Variants in ST18 observed in about 807,000 individuals in gnomAD.
The protein encoded by ST18 is ST18 C2H2C-type zinc finger transcription factor, also known as suppression of tumorigenicity 18 protein.
ST18 carries 50 observed loss-of-function variants against 110.0 expected under a neutral mutation model. That is an observed-to-expected ratio of 0.45 (90% CI 0.36 to 0.58). ST18 has a LOEUF of 0.58. Among genes scored for constraint, ST18 ranks in the 20% least tolerant of loss-of-function variants. The probability of loss-of-function intolerance (pLI) is 0.00; values close to 1 mark genes in which losing one functional copy is unlikely to be tolerated. For missense variants in ST18, 1,306 were observed against 1,280.1 expected, an observed-to-expected ratio of 1.02 and a Z score of -0.31; for synonymous variants, 461 against 452.4, an observed-to-expected ratio of 1.02 and a Z score of -0.24.
intron 2 of ST18, among the ~76,000 whole-genome samples, chr8:52,276,023 C>A (rs894118654): frequency 2.6e-4 from 39 of 149,696 alleles, no homozygotes; most frequent in African/African-American, 7.1e-4. Flanking sequence ...CACATACCCC[C>A]CACACACACA....
intron 2 of ST18, among the ~76,000 whole-genome samples, chr8:52,291,944 T>C (rs2095562725): frequency 6.6e-6 from 1 of 152,016 alleles, no homozygotes; most frequent in Non-Finnish European, 1.5e-5. Flanking sequence ...CCCGGCTAAT[T>C]TTTATATTTT....
At chr8:52,175,991 T>TATATGAAG (rs2066759506) in intron 9 of ST18, among the ~76,000 whole-genome samples, 1 of 152,152 alleles carries the variant, frequency 6.6e-6, no homozygotes, top group Admixed American at 6.5e-5. Context: ...AGAGTGAATT[T>TATATGAAG]ATATGAAGTT....
chr8:52,186,752 C>G (rs536555629), intron 8 of ST18, among the ~76,000 whole-genome samples: 1 of 152,164 alleles, frequency 6.6e-6, no homozygotes, highest in Admixed American at 6.5e-5. Context: ...ACAAATAACA[C>G]GGATGAATCC....
At chr8:52,272,660 G>T (rs995205455) in intron 2 of ST18, among the ~76,000 whole-genome samples, 15 of 152,154 alleles carry the variant, frequency 9.9e-5, no homozygotes, top group Non-Finnish European at 1.9e-4. Flanking sequence ...AAATCAGTGT[G>T]GTGGTTCCTC....
intron 5 of ST18, among the ~76,000 whole-genome samples, chr8:52,219,209 T>C (rs539753299): frequency 6.6e-6 from 1 of 152,228 alleles, no homozygotes; most frequent in East Asian, 1.9e-4. Flanking sequence ...GGAAAAATCA[T>C]GGGAAAAATG....
intron 2 of ST18, among the ~76,000 whole-genome samples, chr8:52,335,321 C>A (rs559453982): frequency 6.6e-6 from 1 of 151,382 alleles, no homozygotes; most frequent in Non-Finnish European, 1.5e-5. Context: ...CTTGACATCT[C>A]CCTCCCTCTC....
At chr8:52,367,236 T>TCTCACA (rs1554851169) in intron 2 of ST18, among the ~76,000 whole-genome samples, 5 of 120,272 alleles carry the variant, frequency 4.2e-5, no homozygotes, top group African/African-American at 1.5e-4. Flanking sequence ...GGACCCTGTC[T>TCTCACA]CACACACACA....
intron 2 of ST18, among the ~76,000 whole-genome samples, chr8:52,377,795 G>A (rs933238388): frequency 6.6e-5 from 10 of 152,164 alleles, no homozygotes; most frequent in Non-Finnish European, 1.5e-4. Flanking sequence ...AGTGATATCT[G>A]TACTCCCATG....
At chr8:52,324,790 T>C (rs975783665) in intron 2 of ST18, among the ~76,000 whole-genome samples, 1 of 152,238 alleles carries the variant, frequency 6.6e-6, no homozygotes, top group Admixed American at 6.5e-5. Flanking sequence ...TCATTTAATC[T>C]GTGTCAGAGT....
intron 2 of ST18, among the ~76,000 whole-genome samples, chr8:52,256,009 T>A (rs924570627): frequency 3.3e-5 from 5 of 152,222 alleles, no homozygotes; most frequent in African/African-American, 1.2e-4. Flanking sequence ...AGTTCATTCC[T>A]TCCAAGGAAC....
chr8:52,256,218 T>C (rs2094524890), intron 2 of ST18, among the ~76,000 whole-genome samples: 1 of 152,232 alleles, frequency 6.6e-6, no homozygotes, highest in Non-Finnish European at 1.5e-5. Context: ...CTTCCTAGCA[T>C]GTGGGCTAAT....
At chr8:52,213,944 C>T (rs1482679960) in intron 7 of ST18, among the ~76,000 whole-genome samples, 3 of 152,172 alleles carry the variant, frequency 2.0e-5, no homozygotes, top group African/African-American at 4.8e-5. Flanking sequence ...TGCTGTTTTG[C>T]GTGATGTTCA....
chr8:52,113,954 GTTTTTTTTTTTTTTTT>G (rs1158213340), intron 25 of ST18, among the ~76,000 whole-genome samples: 35 of 45,442 alleles, frequency 7.7e-4, no homozygotes, highest in Admixed American at 2.9e-3. Context: ...TTCATACCGT[GTTTTTTTTTTTTTTTT>G]TTTTTTTTTT....
At chr8:52,374,996 T>C (rs1831725797) in intron 2 of ST18, among the ~76,000 whole-genome samples, 2 of 152,090 alleles carry the variant, frequency 1.3e-5, no homozygotes, top group Admixed American at 1.3e-4. Flanking sequence ...GTCACAGATA[T>C]TTCCTCCTCA....
Position 52,172,035 on chromosome 8 carries a change from G to A in ST18, c.826C>T (p.Pro276Ser). 6.2e-7 allele frequency: 1 copy of A among 1,614,188 alleles called. No homozygotes were observed. Among genetic ancestry groups the A allele is most frequent in the South Asian group, 1.1e-5 (1 of 91,082 alleles). ...TCGCTATCTTCCTCCTCAACGTCAG[G>A]GAATGAGGGCTGGGCATTGCCATCC... ...PLDGNAQPSFPDVEEEDSESL... is the reference protein window; with the variant it reads ...PLDGNAQPSFSDVEEEDSESL... The change falls in exon 10 of 26, where the codon CCT becomes TCT. Residue 276 changes from proline (P) to serine (S), a missense_variant. By Grantham distance (74) the Pro-to-Ser change is moderately conservative. Transcript: ENST00000689386.
intron 2 of ST18, among the ~76,000 whole-genome samples, chr8:52,290,862 C>G (rs2095544942): frequency 6.6e-6 from 1 of 152,196 alleles, no homozygotes; most frequent in African/African-American, 2.4e-5. Flanking sequence ...TGTTTGTGCT[C>G]TCCACCACCT....
intron 15 of ST18, among the ~76,000 whole-genome samples, chr8:52,154,186 C>T (rs142725360): frequency 1.4e-4 from 21 of 152,294 alleles, no homozygotes; most frequent in African/African-American, 4.3e-4. Context: ...GCAAATCTGC[C>T]CTGCTCTTAA....
At chr8:52,396,334 A>G (rs767620729) in intron 2 of ST18, among the ~76,000 whole-genome samples, 5 of 151,794 alleles carry the variant, frequency 3.3e-5, no homozygotes, top group Non-Finnish European at 7.4e-5. Flanking sequence ...TTCTTTCTGT[A>G]TGTATCTTAT....
chr8:52,146,007 T>C (rs1386391361), intron 16 of ST18, among the ~76,000 whole-genome samples: 1 of 152,224 alleles, frequency 6.6e-6, no homozygotes, highest in Non-Finnish European at 1.5e-5. Context: ...CCACCAAAAT[T>C]AAGCAACTGT....
Sources: gnomAD v4.1 joint callset for allele counts (sites outside exome capture counted in the v4.1 genomes callset) on GRCh38, gnomAD v4.1.1 for gene constraint, MANE v1.5 for transcripts, NCBI Gene and HGNC (gene_info 2026-07-23, HGNC 2026-07-21) for gene names.